Variants in EXOC5 observed in about 807,000 individuals in gnomAD.
EXOC5 encodes exocyst complex component 5, also known as SEC10-like 1.
EXOC5 carries 17 observed loss-of-function variants against 90.8 expected under a neutral mutation model. The ratio of observed to expected loss-of-function variants is 0.19; its 90% CI spans 0.13 to 0.28. The LOEUF (loss-of-function observed/expected upper bound fraction) is 0.28. EXOC5 is among the 10% of genes least tolerant of loss of function. EXOC5 has a pLI of 1.00. For missense variants in EXOC5, 569 were observed against 830.6 expected, an observed-to-expected ratio of 0.69 and a Z score of 3.87; for synonymous variants, 260 against 270.0, an observed-to-expected ratio of 0.96 and a Z score of 0.36.
chr14:57,215,586 GA>G (rs372125020), intron 15 of EXOC5, among the ~76,000 whole-genome samples: 14 of 142,232 alleles, frequency 9.8e-5, no homozygotes, highest in South Asian at 2.4e-4. Context: ...CTGATGATGT[GA>G]AAAAAAAAAC....
At chr14:57,245,265 C>T (rs1566501787) in intron 3 of EXOC5, among the ~76,000 whole-genome samples, 1 of 152,014 alleles carries the variant, frequency 6.6e-6, no homozygotes, top group Non-Finnish European at 1.5e-5. Flanking sequence ...TAGTGTGGGA[C>T]GTTTTTCCAA....
chr14:57,267,256 A>G (rs1350947412), intron 1 of EXOC5, among the ~76,000 whole-genome samples: 4 of 152,178 alleles, frequency 2.6e-5, no homozygotes, highest in African/African-American at 9.7e-5. Flanking sequence ...TTAAGTGAGA[A>G]AATACAATAT....
Position 57,244,247 on chromosome 14 carries a change from A to G in EXOC5, c.383T>C (p.Val128Ala), listed in dbSNP as rs748469094. The change falls in exon 4 of 18, where the codon GTG becomes GCG. Residue 128 changes from valine (V) to alanine (A), a missense_variant. By Grantham distance (64) the Val-to-Ala change is moderately conservative. Transcript: ENST00000621441. The part of the protein sequence containing the change: ...EGVNTPRQRA[V>A]EAQKLMKYFN... Reference sequence around the variant, plus strand: ...GTATTTCATCAATTTCTGAGCCTCCACTGCCCGTTGTCTGGGTGTGTTTAC... The same window carrying G: ...GTATTTCATCAATTTCTGAGCCTCCGCTGCCCGTTGTCTGGGTGTGTTTAC... The G allele has an allele frequency of 4.3e-6, 7 of 1,613,586 alleles. No homozygotes were observed. Among genetic ancestry groups the G allele is most frequent in the Non-Finnish European group, 2.5e-6 (3 of 1,179,568 alleles).
chr14:57,246,006 C>A (rs946998299), intron 3 of EXOC5, among the ~76,000 whole-genome samples: 1 of 151,820 alleles, frequency 6.6e-6, no homozygotes, highest in African/African-American at 2.4e-5. Context: ...GCCAAGAACA[C>A]ACCACTGCAC....
At chr14:57,222,442 C>T (rs771646135) in intron 12 of EXOC5, 26 bp from the exon 13 acceptor site, 12 of 1,331,490 alleles carry the variant, frequency 9.0e-6, no homozygotes, top group African/African-American at 2.9e-5. Context: ...CAAACAATAT[C>T]ACTCCTCAAG....
At chr14:57,211,742 G>C (rs1882832132) in intron 15 of EXOC5, 1 of 152,304 alleles carries the variant, frequency 6.6e-6, no homozygotes, top group Admixed American at 6.6e-5. Context: ...CCATGGTGGT[G>C]GGTGCCAGTA....
chr14:57,218,858 C>A (rs1390555002), intron 14 of EXOC5, among the ~76,000 whole-genome samples: 1 of 151,994 alleles, frequency 6.6e-6, no homozygotes, highest in Non-Finnish European at 1.5e-5. Flanking sequence ...TTTATAAGTT[C>A]ACATAAATTG....
intron 13 of EXOC5, among the ~76,000 whole-genome samples, chr14:57,219,926 T>C (rs1311112748): frequency 6.6e-6 from 1 of 152,156 alleles, no homozygotes; most frequent in East Asian, 1.9e-4. Flanking sequence ...TTCTGGAATT[T>C]ATTCAGAATA....
At chr14:57,231,743 A>T (rs1340189176) in intron 10 of EXOC5, 28 bp from the exon 11 acceptor site, 31 of 1,416,712 alleles carry the variant, frequency 2.2e-5, no homozygotes, top group Non-Finnish European at 3.0e-5. Context: ...GGAGAAAAAG[A>T]TTAATATACA....
rs545036834 is a variant in EXOC5 at position 57,262,639 on chromosome 14, TATATATAC to T, written c.27+5975_27+5982del. Among the ~76,000 whole-genome samples the T allele has an allele frequency of 7.3e-3, 1,075 of 147,294 alleles. 6 individuals carry two copies. The highest frequency in any genetic ancestry group is 0.023 in the African/African-American group (911 of 40,268). ...TATATGTATATATTTATACATTAAG[TATATATAC>T]ATATATACATATATACATAAGTGTA... is the stretch of plus-strand genomic sequence containing the variant. On this transcript the variant is annotated intron_variant, in intron 1 of 17. Transcript: ENST00000621441.
intron 15 of EXOC5, among the ~76,000 whole-genome samples, chr14:57,213,862 C>T (rs991872561): frequency 3.3e-5 from 5 of 150,950 alleles, no homozygotes; most frequent in East Asian, 2.0e-4. Flanking sequence ...CCCAGCTACT[C>T]GGGAGGCTGA....
chr14:57,268,724 A>G lies in EXOC5; in HGVS notation c.-76T>C. The G allele has an allele frequency of 1.3e-6, 2 of 1,528,300 alleles. No individual in the cohort carries two copies. 94.7% of individuals were successfully genotyped at this position (1,528,300 alleles called of 1,614,324 possible). ...ATGCTGCGCCTCAGAGGCGCGGCGC[A>G]CAGGTCTCCGCTCGGCTCGCCAGCT... is the stretch of plus-strand genomic sequence containing the variant. On this transcript the variant is annotated 5_prime_UTR_variant, in exon 1 of 18. Transcript: ENST00000621441.
chr14:57,202,070 A>T lies in EXOC5; in HGVS notation c.*6539T>A, dbSNP rs1882524934. 6.6e-6 allele frequency: 1 copy of T among 152,160 alleles called. No homozygotes were observed. The highest frequency in any genetic ancestry group is 2.4e-5 in the African/African-American group (1 of 41,444). The allele number at this position is 152,160 out of a possible 1,614,324, so 9.4% of individuals were successfully genotyped here. A position where few individuals can be genotyped will look rare whatever the true frequency, so the allele number is the denominator to read the frequency against. On this transcript the variant is annotated 3_prime_UTR_variant, in exon 18 of 18. Transcript: ENST00000621441. ...AAATTGAAATTGTGTACTATGTGAT[A>T]GGATGCAACAATAACACAGAGTTGC...
At chr14:57,232,426 T>C (rs994902624) in intron 10 of EXOC5, 5 of 275,444 alleles carry the variant, frequency 1.8e-5, no homozygotes, top group East Asian at 6.2e-5. Context: ...TGCAGATAAA[T>C]GTAATTACAC....
intron 7 of EXOC5, among the ~76,000 whole-genome samples, chr14:57,234,749 G>A (rs1883606475): frequency 6.6e-6 from 1 of 151,368 alleles, no homozygotes; most frequent in Admixed American, 6.6e-5. Flanking sequence ...ATTTTCTGTA[G>A]AGACAGGGTC....
rs545716721 is a variant in EXOC5 at position 57,235,627 on chromosome 14, G to C, written c.669+84C>G. ...CACTGTGATAGTTACATAATGAATG[G>C]GGGAAATCAGAGACTATAATATATA... On this transcript the variant is annotated intron_variant, in intron 7 of 17. Transcript: ENST00000621441. The C allele has an allele frequency of 2.5e-3, 1,724 of 686,134 alleles. 13 individuals carry two copies. The highest frequency in any genetic ancestry group is 3.2e-3 in the Non-Finnish European group (1,229 of 389,588). The allele number at this position is 686,134 out of a possible 1,614,324, so 42.5% of individuals were successfully genotyped here. A position where few individuals can be genotyped will look rare whatever the true frequency, so the allele number is the denominator to read the frequency against.
At chr14:57,245,530 T>TACC (rs1470550067) in intron 3 of EXOC5, among the ~76,000 whole-genome samples, 2 of 152,166 alleles carry the variant, frequency 1.3e-5, no homozygotes, top group Non-Finnish European at 1.5e-5. Flanking sequence ...TTATTATTAT[T>TACC]ACCAAGGGAA....
Position 57,233,797 on chromosome 14 carries a change from A to G in EXOC5, c.801T>C (p.Asn267=). 1 of 1,599,586 alleles carries G rather than the reference A, an allele frequency of 6.3e-7. No individual in the cohort carries two copies. Among genetic ancestry groups the G allele is most frequent in the Non-Finnish European group, 8.6e-7 (1 of 1,167,148 alleles). Residue 267 remains asparagine, a synonymous_variant, in exon 9 of 18, where the codon AAT becomes AAC. Transcript: ENST00000621441. ...VNKQVGDIFS[N]PETVLAKLIQ... ...TAAGTTTAGCCAGGACTGTTTCTGG[A>G]TTACTGAAGATATCTCCAACTTGTT... is the stretch of plus-strand genomic sequence containing the variant.
chr14:57,268,859 C>G lies in EXOC5; in HGVS notation c.-211G>C. On this transcript the variant is annotated 5_prime_UTR_variant, in exon 1 of 18. Transcript: ENST00000621441. ...GCTTGTCAGCTGCCTCCCGGCGCCG[C>G]CCGCGCTGCTCCCATTGTCACCGCC... 7.7e-7 allele frequency: 1 copy of G among 1,303,008 alleles called. No homozygotes were observed. The highest frequency in any genetic ancestry group is 1.6e-5 in the South Asian group (1 of 62,582). The allele number at this position is 1,303,008 out of a possible 1,614,324, so 80.7% of individuals were successfully genotyped here.
Sources: allele counts gnomAD v4.1 joint callset (sites outside exome capture counted in the v4.1 genomes callset), GRCh38; gene constraint gnomAD v4.1.1; transcripts MANE v1.5; gene names NCBI Gene and HGNC (gene_info 2026-07-23, HGNC 2026-07-21).